CSGALNACT1: variants seen among roughly 807,000 people sequenced by gnomAD.
CSGALNACT1 encodes the protein beta4GalNAcT-1.
Under a neutral mutation model 51.0 loss-of-function variants are expected in CSGALNACT1, and 52 were observed. The ratio of observed to expected loss-of-function variants is 1.02; its 90% CI spans 0.82 to 1.29. The LOEUF (loss-of-function observed/expected upper bound fraction) is 1.29, where lower values mean the gene tolerates loss of function less well. CSGALNACT1 is among the 50% of genes most tolerant of loss of function. CSGALNACT1 has a pLI of 0.00. For missense variants in CSGALNACT1, 935 were observed against 679.2 expected, an observed-to-expected ratio of 1.38 and a Z score of -4.19; for synonymous variants, 341 against 254.4, an observed-to-expected ratio of 1.34 and a Z score of -3.24.
At position 19,473,794 on chromosome 8, in the gene CSGALNACT1, G is replaced by T. The variant is rs2068759663; in HGVS notation, c.635-15152C>A. ...AAGTTTAATCCACTGGATATTTGGG[G>T]AAAATATATATGTATTTCTGTGGAA... On this transcript the variant is annotated intron_variant, in intron 4 of 9. Transcript: ENST00000454498. Among the ~76,000 whole-genome samples the T allele has an allele frequency of 4.6e-5, 7 of 152,238 alleles. No homozygotes were observed. The South Asian group carries it at 1.2e-3, about 27-fold the overall frequency.
In CSGALNACT1 at chr8:19,439,948, A is replaced by T; in HGVS notation, c.852-17T>A. 1 of 1,599,676 alleles carries T rather than the reference A, an allele frequency of 6.3e-7. No individual in the cohort carries two copies. Among genetic ancestry groups the T allele is most frequent in the South Asian group, 1.1e-5 (1 of 90,776 alleles). On this transcript the variant is annotated splice_polypyrimidine_tract_variant and intron_variant, in intron 5 of 9. Transcript: ENST00000454498. The stretch of plus-strand genomic sequence containing the variant: ...CACATCTCCCTGGAAAACAAAACAC[A>T]TGCATGTCTGGCACCTGTTTTCACA...
intron 3 of CSGALNACT1, among the ~76,000 whole-genome samples, chr8:19,506,834 G>A (rs982539881): frequency 6.6e-6 from 1 of 152,202 alleles, no homozygotes; most frequent in African/African-American, 2.4e-5. Flanking sequence ...GCAGATGCTG[G>A]TGCCATGCTT....
rs199957595 is a variant in CSGALNACT1, at chr8:19,496,879, T to C, written c.634+8322A>G. ...CTCCAGGAACCCCAATGGGTGCTAA[T>C]AAAAATGATCAGAAAGAACCTTAGG... On this transcript the variant is annotated intron_variant, in intron 4 of 9. Coordinates refer to ENST00000454498, the Ensembl canonical transcript of CSGALNACT1. Among the ~76,000 whole-genome samples the C allele has an allele frequency of 2.9e-4, 44 of 152,204 alleles. 1 individual carries two copies. The East Asian group carries it at 8.3e-3, about 29-fold the overall frequency.
intron 3 of CSGALNACT1, among the ~76,000 whole-genome samples, chr8:19,583,944 C>T (rs1173284878): frequency 6.6e-6 from 1 of 152,202 alleles, no homozygotes; most frequent in Admixed American, 6.5e-5. Context: ...ACTCTATGCA[C>T]CCTGCAGCCT....
intron 4 of CSGALNACT1, among the ~76,000 whole-genome samples, chr8:19,493,127 A>G (rs1174891058): frequency 2.0e-5 from 3 of 151,924 alleles, no homozygotes; most frequent in Admixed American, 6.6e-5. Flanking sequence ...TGAAATGTCT[A>G]TGGAAGAGCC....
chr8:19,601,443 C>T (rs187797953), intron 2 of CSGALNACT1, among the ~76,000 whole-genome samples: 3 of 152,248 alleles, frequency 2.0e-5, no homozygotes, highest in East Asian at 1.9e-4. Flanking sequence ...CCTATGTAAG[C>T]GAACTGTTTC....
chr8:19,671,646 A>T (rs112217402), intron 1 of CSGALNACT1, among the ~76,000 whole-genome samples: 10,516 of 152,236 alleles, frequency 0.069, 467 homozygotes, highest in African/African-American at 0.13. Context: ...CACAAAAGTC[A>T]TTGATAAAGA....
chr8:19,677,488 C>T (rs2060281735), intron 1 of CSGALNACT1, among the ~76,000 whole-genome samples: 1 of 152,020 alleles, frequency 6.6e-6, no homozygotes, highest in African/African-American at 2.4e-5. Flanking sequence ...ACTAATGGTA[C>T]CAGGACAGAT....
At chr8:19,411,159 T>C (rs2055629671) in intron 8 of CSGALNACT1, among the ~76,000 whole-genome samples, 1 of 152,174 alleles carries the variant, frequency 6.6e-6, no homozygotes, top group Non-Finnish European at 1.5e-5. Context: ...ACCACTAAGC[T>C]GTGCTCCAAT....
intron 1 of CSGALNACT1, among the ~76,000 whole-genome samples, chr8:19,718,380 G>A (rs1316705951): frequency 6.6e-6 from 1 of 152,040 alleles, no homozygotes; most frequent in Non-Finnish European, 1.5e-5. Flanking sequence ...GAGTTTACAG[G>A]CGTGAGCCAC....
At chr8:19,583,167 T>C (rs1450860893) in intron 3 of CSGALNACT1, among the ~76,000 whole-genome samples, 2 of 151,904 alleles carry the variant, frequency 1.3e-5, no homozygotes, top group South Asian at 2.1e-4. Flanking sequence ...CATAAACCAA[T>C]ACCTTTTTTT....
chr8:19,532,219 CT>C (rs1233531853), intron 3 of CSGALNACT1, among the ~76,000 whole-genome samples: 1 of 151,958 alleles, frequency 6.6e-6, no homozygotes, highest in African/African-American at 2.4e-5. Context: ...CGCTCTGGAC[CT>C]TAAAACAATC....
rs988863824 is a variant in CSGALNACT1, at chr8:19,715,366, G to T, written c.-297+42484C>A. Among the ~76,000 whole-genome samples, 3 of 152,190 alleles carry T rather than the reference G, an allele frequency of 2.0e-5. 1 individual carries two copies. Among genetic ancestry groups the T allele is most frequent in the African/African-American group, 7.2e-5 (3 of 41,434 alleles). On this transcript the variant is annotated intron_variant, in intron 1 of 1. Transcript: ENST00000517494. The stretch of plus-strand genomic sequence containing the variant: ...CAATATTTAGCTCCCACTTATAAGT[G>T]AGAACATATGGGATTTGCTATTCTG...
chr8:19,594,365 T>C (rs1336983630), intron 2 of CSGALNACT1, among the ~76,000 whole-genome samples: 1 of 152,190 alleles, frequency 6.6e-6, no homozygotes, highest in Non-Finnish European at 1.5e-5. Flanking sequence ...ACCTAATATG[T>C]GTAATCCGGC....
intron 3 of CSGALNACT1, among the ~76,000 whole-genome samples, chr8:19,506,524 C>T (rs1032546663): frequency 2.6e-5 from 4 of 152,126 alleles, no homozygotes; most frequent in Non-Finnish European, 4.4e-5. Context: ...ACTACTTGGC[C>T]GGAGACTGTG....
chr8:19,739,783 A>C (rs2064199410), intron 1 of CSGALNACT1, among the ~76,000 whole-genome samples: 3 of 152,188 alleles, frequency 2.0e-5, no homozygotes, highest in Non-Finnish European at 2.9e-5. Context: ...ACTTGTTCCT[A>C]ATAACTGTGT....
intron 8 of CSGALNACT1, 65 bp downstream of exon 7, chr8:19,418,591 G>C (rs751096604): frequency 2.8e-6 from 3 of 1,052,740 alleles, no homozygotes; most frequent in Admixed American, 1.7e-5. Flanking sequence ...TCATGGTCAG[G>C]TACCCCTGGT....
intron 1 of CSGALNACT1, among the ~76,000 whole-genome samples, chr8:19,644,592 C>A (rs1589234901): frequency 6.6e-6 from 1 of 151,528 alleles, no homozygotes; most frequent in East Asian, 1.9e-4. Context: ...CGCCTGTAAT[C>A]CCAGCTACTT....
intron 3 of CSGALNACT1, among the ~76,000 whole-genome samples, chr8:19,575,609 A>G (rs1377722025): frequency 4.6e-5 from 7 of 152,264 alleles, no homozygotes; most frequent in Non-Finnish European, 7.3e-5. Context: ...AAACAACTGT[A>G]ATAATTTGAA....
Sources: allele counts gnomAD v4.1 joint callset (sites outside exome capture counted in the v4.1 genomes callset), GRCh38; gene constraint gnomAD v4.1.1; transcripts MANE v1.5; gene names NCBI Gene and HGNC (gene_info 2026-07-23, HGNC 2026-07-21).